The following KIF4A variants were observed in gnomAD, a reference collection of about 807,000 sequenced individuals.
The protein encoded by KIF4A is kinesin family member 4A, also known as chromosome-associated kinesin KIF4A.
In KIF4A, 7 loss-of-function variants were observed where a neutral mutation model predicts 105.9. The ratio of observed to expected loss-of-function variants is 0.07; its 90% CI spans 0.04 to 0.12. The LOEUF (loss-of-function observed/expected upper bound fraction) is 0.12. Among genes scored for constraint, KIF4A ranks in the 10% least tolerant of loss-of-function variants. The probability of loss-of-function intolerance (pLI) is 1.00; values close to 1 mark genes in which losing one functional copy is unlikely to be tolerated. For synonymous variants in KIF4A, 281 were observed against 331.3 expected, an observed-to-expected ratio of 0.85 and a Z score of 1.65; for missense variants, 558 against 929.2, an observed-to-expected ratio of 0.60 and a Z score of 5.19.
Position 70,359,510 on chromosome X carries a change from A to T in KIF4A, c.1674+5703A>T, listed in dbSNP as rs773481354. The stretch of plus-strand genomic sequence containing the variant: ...GGGTATATTTATTTTCTCACATTTT[A>T]AAAAAAAAAAAAAAGCTGAACATAA... On this transcript the variant is annotated intron_variant, in intron 15 of 30. Transcript: ENST00000374403. 2.8e-3 allele frequency among the ~76,000 whole-genome samples: 263 copies of T among 95,634 alleles called. 1 individual carries two copies. Among genetic ancestry groups the T allele is most frequent in the Middle Eastern group, 0.011 (2 of 190 alleles). The allele number at this position is 95,634 out of a possible 115,157, so 83.0% of individuals were successfully genotyped here. A position where few individuals can be genotyped will look rare whatever the true frequency, so the allele number is the denominator to read the frequency against.
At chrX:70,383,308 A>G (rs925255608) in intron 18 of KIF4A, among the ~76,000 whole-genome samples, 1 of 112,190 alleles carries the variant, frequency 8.9e-6, no homozygotes, top group Non-Finnish European at 1.9e-5. Flanking sequence ...AGAAATACAA[A>G]TCAAAACCAC....
chrX:70,290,829 C>A (rs745555948), intron 3 of KIF4A, 24 bp downstream of exon 3: 21 of 1,005,164 alleles, frequency 2.1e-5, no homozygotes, highest in Middle Eastern at 2.5e-4. Context: ...ATTCCTCGAA[C>A]GTAACATATA....
Position 70,381,594 on chromosome X carries a change from A to G in KIF4A, c.2035-5024A>G, listed in dbSNP as rs767597730. On this transcript the variant is annotated intron_variant, in intron 18 of 30. Coordinates refer to ENST00000374403, the MANE Select transcript of KIF4A (RefSeq NM_012310.5). Reference sequence around the variant, plus strand: ...TTAATAATAGGATCAATACAAATAAAATACTTAGGAATAAATTTAGCAAAA... The same window carrying G: ...TTAATAATAGGATCAATACAAATAAGATACTTAGGAATAAATTTAGCAAAA... 1.1e-4 allele frequency among the ~76,000 whole-genome samples: 12 copies of G among 112,346 alleles called. No homozygotes were observed. In the South Asian group the frequency reaches 3.0e-3, roughly 28 times the overall value.
rs746567782 is a variant in KIF4A, at chrX:70,354,836, G to A, written c.1674+1029G>A. ...AGGCTGAATGGGAAGAGGGTTCACA[G>A]TATTGGCGGGGGCTGGGAAGTGGGG... On this transcript the variant is annotated intron_variant, in intron 15 of 30. Coordinates refer to ENST00000374403, the MANE Select transcript of KIF4A (RefSeq NM_012310.5). Among the ~76,000 whole-genome samples the A allele has an allele frequency of 3.6e-5, 4 of 112,238 alleles. No homozygotes were observed. The South Asian group carries it at 1.5e-3, about 42-fold the overall frequency.
intron 23 of KIF4A, among the ~76,000 whole-genome samples, chrX:70,403,020 T>C (rs948133365): frequency 8.9e-6 from 1 of 112,103 alleles, no homozygotes; most frequent in Non-Finnish European, 1.9e-5. Context: ...TGTACTACTT[T>C]TTAAAACCCC....
intron 7 of KIF4A, among the ~76,000 whole-genome samples, chrX:70,328,120 T>G (rs1296701700): frequency 8.9e-6 from 1 of 112,097 alleles, no homozygotes; most frequent in Admixed American, 9.5e-5. Flanking sequence ...GATGGCTATA[T>G]AAAAGGTAGA....
intron 15 of KIF4A, among the ~76,000 whole-genome samples, chrX:70,371,727 C>T (rs1482703888): frequency 1.1e-4 from 12 of 108,780 alleles, no homozygotes; most frequent in Non-Finnish European, 1.5e-4. Flanking sequence ...CCCTCCCGGA[C>T]GGGGCGGCTG....
At chrX:70,304,116 AGT>A (rs1173086736) in intron 7 of KIF4A, among the ~76,000 whole-genome samples, 22 of 75,221 alleles carry the variant, frequency 2.9e-4, no homozygotes, top group Admixed American at 2.6e-3. Context: ...CAGTCCGCAG[AGT>A]GTGATGTTCC....
At position 70,341,790 on chromosome X, in the gene KIF4A, T is replaced by G. The variant is rs1456793546; in HGVS notation, c.1134-9T>G. ...ATATTTTTCTAATATGTTATTTACT[T>G]TGTTTTAGTGTGGAACCATCAGAGA... On this transcript the variant is annotated splice_polypyrimidine_tract_variant and intron_variant, in intron 10 of 30. Coordinates refer to ENST00000374403, the MANE Select transcript of KIF4A (RefSeq NM_012310.5). The G allele has an allele frequency of 4.2e-6, 5 of 1,199,297 alleles. No individual in the cohort carries two copies. In the African/African-American group the frequency reaches 8.8e-5, roughly 21 times the overall value.
chrX:70,410,536 C>T (rs995941413), intron 28 of KIF4A, among the ~76,000 whole-genome samples: 2 of 111,875 alleles, frequency 1.8e-5, no homozygotes, highest in African/African-American at 3.2e-5. Context: ...TCTAGAACAG[C>T]GGTCCCCAAT....
Position 70,334,456 on chromosome X carries a change from C to A in KIF4A, c.1133+767C>A, listed in dbSNP as rs546987782. 1.4e-3 allele frequency among the ~76,000 whole-genome samples: 162 copies of A among 112,183 alleles called. 2 individuals are homozygous for A. In the South Asian group the frequency reaches 0.057, roughly 40 times the overall value. ...GCTTTCCCCCTTTCCTTATTTGTAA[C>A]TTCTTTCTCCAACAGTAAGAAACCC... is the stretch of plus-strand genomic sequence containing the variant. On this transcript the variant is annotated intron_variant, in intron 10 of 30. Transcript: ENST00000374403.
At chrX:70,305,147 CTG>C (rs2085821818) in intron 7 of KIF4A, among the ~76,000 whole-genome samples, 2 of 110,984 alleles carry the variant, frequency 1.8e-5, no homozygotes, top group Non-Finnish European at 3.8e-5. Flanking sequence ...TATGGTAACT[CTG>C]TTTAACTTTT....
intron 24 of KIF4A, among the ~76,000 whole-genome samples, chrX:70,404,329 G>A (rs976159330): frequency 1.8e-5 from 2 of 111,201 alleles, no homozygotes; most frequent in Non-Finnish European, 3.8e-5. Context: ...GGGAGGCCAA[G>A]GCAGGCAGAT....
chrX:70,333,759 C>A, intron 10 of KIF4A, 70 bp downstream of exon 10: 1 of 758,283 alleles, frequency 1.3e-6, no homozygotes, highest in East Asian at 3.3e-5. Context: ...TAGTTTTTCC[C>A]TGGTTTCTGC....
chrX:70,389,728 T>C (rs1247967093), intron 20 of KIF4A, among the ~76,000 whole-genome samples: 2 of 112,779 alleles, frequency 1.8e-5, no homozygotes, highest in Non-Finnish European at 3.7e-5. Context: ...TCAGATTGTT[T>C]CATTGATCTA....
intron 10 of KIF4A, among the ~76,000 whole-genome samples, chrX:70,339,021 C>T (rs1375715482): frequency 9.6e-6 from 1 of 104,297 alleles, no homozygotes; most frequent in South Asian, 4.5e-4. Context: ...GGAGGCGGAG[C>T]TTGCAGCGAG....
At chrX:70,350,191 GGC>G (rs1465305576) in intron 13 of KIF4A, among the ~76,000 whole-genome samples, 192 of 111,371 alleles carry the variant, frequency 1.7e-3, no homozygotes, top group Middle Eastern at 9.3e-3. Flanking sequence ...CTCCAGCCTG[GGC>G]AACATTGAGC....
At position 70,418,431 on chromosome X, in the gene KIF4A, C is replaced by T. The variant is rs986203275; in HGVS notation, c.3372+427C>T. 4.0e-4 allele frequency among the ~76,000 whole-genome samples: 45 copies of T among 111,808 alleles called. 1 individual carries two copies. Among genetic ancestry groups the T allele is most frequent in the Non-Finnish European group, 7.7e-4 (41 of 53,214 alleles). On this transcript the variant is annotated intron_variant, in intron 29 of 30. Coordinates refer to ENST00000374403, the MANE Select transcript of KIF4A (RefSeq NM_012310.5). ...AGTTAATCCTTTTGACATCTCGAGA[C>T]ATTCGTTACCTAGACTCTCTCCATG...
intron 15 of KIF4A, among the ~76,000 whole-genome samples, chrX:70,365,840 C>G (rs2086100471): frequency 8.9e-6 from 1 of 111,740 alleles, no homozygotes; most frequent in Non-Finnish European, 1.9e-5. Context: ...CCTTCTACCT[C>G]TGGTAGAATT....
Sources: allele counts gnomAD v4.1 joint callset (sites outside exome capture counted in the v4.1 genomes callset), GRCh38; gene constraint gnomAD v4.1.1; transcripts MANE v1.5; gene names NCBI Gene and HGNC (gene_info 2026-07-23, HGNC 2026-07-21).